Variants in NEGR1 observed in about 807,000 individuals in gnomAD.
NEGR1 encodes IgLON family member 4.
NEGR1 carries 10 observed loss-of-function variants against 40.9 expected under a neutral mutation model. The observed-to-expected ratio is 0.24, with a 90% CI of 0.15 to 0.42. The LOEUF is 0.42. Ranked by LOEUF, NEGR1 falls within the 10% of genes least tolerant of loss-of-function variation. The pLI is 1.00. For synonymous variants in NEGR1, 185 were observed against 166.8 expected (o/e 1.11, Z -0.84); for missense variants, 352 against 438.9 (o/e 0.80, Z 1.77).
intron 2 of NEGR1, among the ~76,000 whole-genome samples, chr1:71,897,466 T>A (rs975739438): frequency 1.3e-5 from 2 of 152,222 alleles, no homozygotes; most frequent in Non-Finnish European, 2.9e-5. Context: ...GAAATACTAG[T>A]CTGATATATC....
intron 1 of NEGR1, among the ~76,000 whole-genome samples, chr1:72,175,878 G>A (rs1652146091): frequency 6.6e-6 from 1 of 152,042 alleles, no homozygotes; most frequent in African/African-American, 2.4e-5. Flanking sequence ...CTTGCATTGA[G>A]GCATGGACAT....
intron 1 of NEGR1, among the ~76,000 whole-genome samples, chr1:72,204,955 A>G (rs1653341521): frequency 6.6e-6 from 1 of 152,144 alleles, no homozygotes. Context: ...AATGCTTAAA[A>G]AATAAAATCA....
chr1:71,677,300 C>T (rs926849507), intron 4 of NEGR1, among the ~76,000 whole-genome samples: 1 of 152,092 alleles, frequency 6.6e-6, no homozygotes, highest in African/African-American at 2.4e-5. Flanking sequence ...TTTACTACCA[C>T]CCAGACAGCA....
intron 1 of NEGR1, among the ~76,000 whole-genome samples, chr1:72,239,435 AATAAT>A (rs1570161998): frequency 6.6e-6 from 1 of 151,824 alleles, no homozygotes; most frequent in Non-Finnish European, 1.5e-5. Flanking sequence ...AATACATAAA[AATAAT>A]ATAAACAGTG....
At chr1:72,064,558 A>G (rs901433500) in intron 1 of NEGR1, among the ~76,000 whole-genome samples, 1 of 152,084 alleles carries the variant, frequency 6.6e-6, no homozygotes, top group African/African-American at 2.4e-5. Context: ...TTCTTTCAAC[A>G]GTGTGTCCAA....
intron 4 of NEGR1, among the ~76,000 whole-genome samples, chr1:71,665,177 A>G (rs1652202692): frequency 6.6e-6 from 1 of 152,216 alleles, no homozygotes; most frequent in African/African-American, 2.4e-5. Flanking sequence ...TAAAAGTATA[A>G]TATTCTGCAA....
chr1:71,684,286 C>T (rs548397784), intron 4 of NEGR1, among the ~76,000 whole-genome samples: 6 of 151,940 alleles, frequency 3.9e-5, no homozygotes, highest in South Asian at 2.1e-4. Context: ...AAAATTATAA[C>T]GCATATTAAT....
chr1:72,073,861 G>A (rs1177643784), intron 1 of NEGR1, among the ~76,000 whole-genome samples: 2 of 151,982 alleles, frequency 1.3e-5, no homozygotes, highest in Admixed American at 6.6e-5. Flanking sequence ...TAATGACATA[G>A]CTGTAGGATT....
At chr1:71,783,678 G>T (rs898984362) in intron 2 of NEGR1, among the ~76,000 whole-genome samples, 1 of 152,090 alleles carries the variant, frequency 6.6e-6, no homozygotes, top group Non-Finnish European at 1.5e-5. Flanking sequence ...GTTATCTGTC[G>T]AACTTCAGTT....
At chr1:71,684,444 CACAT>C (rs1251389313) in intron 4 of NEGR1, among the ~76,000 whole-genome samples, 2 of 152,008 alleles carry the variant, frequency 1.3e-5, no homozygotes, top group African/African-American at 4.8e-5. Context: ...TTTATATAAA[CACAT>C]ACAACACATA....
chr1:71,987,976 C>T (rs1259204944), intron 1 of NEGR1, among the ~76,000 whole-genome samples: 1 of 152,152 alleles, frequency 6.6e-6, no homozygotes, highest in African/African-American at 2.4e-5. Flanking sequence ...AATTATTTTC[C>T]ATTTCTAAGT....
chr1:71,618,537 C>A (rs182337052), intron 4 of NEGR1, among the ~76,000 whole-genome samples: 1 of 152,052 alleles, frequency 6.6e-6, no homozygotes, highest in Non-Finnish European at 1.5e-5. Flanking sequence ...CAACACACTT[C>A]GGGTGCCACT....
intron 6 of NEGR1, among the ~76,000 whole-genome samples, chr1:71,526,850 C>T (rs1245146519): frequency 1.3e-5 from 2 of 151,490 alleles, no homozygotes; most frequent in Non-Finnish European, 3.0e-5. Flanking sequence ...AACACAAGAC[C>T]CTTCAGTGAT....
intron 6 of NEGR1, among the ~76,000 whole-genome samples, chr1:71,451,832 T>C (rs1351247332): frequency 2.0e-5 from 3 of 152,228 alleles, no homozygotes; most frequent in Non-Finnish European, 4.4e-5. Context: ...AATCCTATTG[T>C]ATATTCAAGT....
chr1:72,034,145 T>C (rs1569855051), intron 1 of NEGR1, among the ~76,000 whole-genome samples: 1 of 152,208 alleles, frequency 6.6e-6, no homozygotes, highest in East Asian at 1.9e-4. Flanking sequence ...GTGTAGAATT[T>C]TTTTTGGTTG....
intron 1 of NEGR1, among the ~76,000 whole-genome samples, chr1:72,072,615 A>C (rs75643730): frequency 0.015 from 2,332 of 152,238 alleles, 58 homozygotes; most frequent in African/African-American, 0.053. Flanking sequence ...CTCAGAATAA[A>C]AGCTGAGAAA....
At chr1:71,954,578 T>C (rs1447787123) in intron 1 of NEGR1, among the ~76,000 whole-genome samples, 1 of 151,884 alleles carries the variant, frequency 6.6e-6, no homozygotes, top group Non-Finnish European at 1.5e-5. Context: ...TTTCCCAAGA[T>C]AGGAGAATCA....
intron 6 of NEGR1, among the ~76,000 whole-genome samples, chr1:71,569,543 A>C (rs1180912149): frequency 1.3e-5 from 2 of 152,212 alleles, no homozygotes; most frequent in Non-Finnish European, 2.9e-5. Context: ...TCCTTTAAAA[A>C]GTTCAGTAAT....
At chr1:71,546,213 T>C (rs968748741) in intron 6 of NEGR1, among the ~76,000 whole-genome samples, 1 of 151,748 alleles carries the variant, frequency 6.6e-6, no homozygotes, top group Non-Finnish European at 1.5e-5. Context: ...GGAATGTCCA[T>C]GGCAAAAACA....
Sources: gnomAD v4.1 joint callset for allele counts (sites outside exome capture counted in the v4.1 genomes callset) on GRCh38, gnomAD v4.1.1 for gene constraint, MANE v1.5 for transcripts, NCBI Gene and HGNC (gene_info 2026-07-23, HGNC 2026-07-21) for gene names.